CPLANE1: variants seen among roughly 807,000 people sequenced by gnomAD.
The protein encoded by CPLANE1 is ciliogenesis and planar polarity effector 1.
In CPLANE1, 263 loss-of-function variants were observed where a neutral mutation model predicts 362.5. The ratio of observed to expected loss-of-function variants is 0.73; its 90% CI spans 0.66 to 0.80. The LOEUF (loss-of-function observed/expected upper bound fraction) is 0.80. CPLANE1 is among the 30% of genes least tolerant of loss of function. CPLANE1 has a pLI of 0.00. For synonymous variants in CPLANE1, 1,212 were observed against 1,302.6 expected, an observed-to-expected ratio of 0.93 and a Z score of 1.50; for missense variants, 3,461 against 3,793.4, an observed-to-expected ratio of 0.91 and a Z score of 2.30.
chr5:37,229,555 T>TA (rs757943512), intron 9 of CPLANE1, among the ~76,000 whole-genome samples: 1 of 146,152 alleles, frequency 6.8e-6, no homozygotes, highest in African/African-American at 2.6e-5. Flanking sequence ...AATAAATAAA[T>TA]AATAAATATA....
At position 37,183,209 on chromosome 5, in the gene CPLANE1, T is replaced by G; in HGVS notation, c.4972A>C (p.Lys1658Gln). 23 of 1,611,532 alleles carry G rather than the reference T, an allele frequency of 1.4e-5. No individual in the cohort carries two copies. The highest frequency in any genetic ancestry group is 2.0e-5 in the Non-Finnish European group (23 of 1,179,190). ...SSSVLVNQGI[K>Q]PFLQYPSNEV... is the part of the protein sequence containing the mutation. ...TTCGAAGGATATTGTAAAAAAGGTT[T>G]GATCCCTTGATTAACCAGTACTGAT... is the stretch of plus-strand genomic sequence containing the variant. Residue 1658 changes from lysine (K) to glutamine (Q), a missense_variant, in exon 26 of 53, where the codon AAA becomes CAA. Coordinates refer to ENST00000651892, the MANE Select transcript of CPLANE1 (RefSeq NM_001384732.1).
the CPLANE1 span, among the ~76,000 whole-genome samples, chr5:37,091,815 G>A: frequency 6.6e-6 from 1 of 152,096 alleles, no homozygotes; most frequent in Non-Finnish European, 1.5e-5. Flanking sequence ...ACCATGGTGT[G>A]GCTAGGATCC....
intron 23 of CPLANE1, among the ~76,000 whole-genome samples, chr5:37,187,079 A>C (rs1280971669): frequency 6.7e-6 from 1 of 150,242 alleles, no homozygotes; most frequent in Non-Finnish European, 1.5e-5. Context: ...AAAAAAAAAA[A>C]AAAAAAAACT....
chr5:37,212,061 A>G (rs1792764988), intron 16 of CPLANE1: 2 of 894,624 alleles, frequency 2.2e-6, no homozygotes, highest in Admixed American at 3.4e-5. Flanking sequence ...AAGAAGGCAG[A>G]GTAACCTACA....
chr5:37,107,849 T>C, intron 52 of CPLANE1, 71 bp from the exon 53 acceptor site: 1 of 1,458,268 alleles, frequency 6.9e-7, no homozygotes, highest in Non-Finnish European at 9.1e-7. Context: ...CAAAAAAACC[T>C]GGAACGTGAA....
chr5:37,110,150 C>G (rs1399732113), intron 51 of CPLANE1, among the ~76,000 whole-genome samples: 2 of 152,134 alleles, frequency 1.3e-5, no homozygotes, highest in Non-Finnish European at 2.9e-5. Context: ...TATATTATCT[C>G]TCTGCTTAAT....
At chr5:37,148,323 TAAC>T (rs774283684) in intron 42 of CPLANE1, 55 bp from the exon 43 acceptor site, 283 of 1,284,094 alleles carry the variant, frequency 2.2e-4, no homozygotes, top group Admixed American at 3.8e-4. Flanking sequence ...AATTTCAAAA[TAAC>T]AAACAGTTTT....
At chr5:37,096,001 C>A in the CPLANE1 span, among the ~76,000 whole-genome samples, 4 of 152,090 alleles carry the variant, frequency 2.6e-5, no homozygotes, top group African/African-American at 9.7e-5. Context: ...GACCATACTG[C>A]CAAAAGCAAT....
chr5:37,169,659 G>T, intron 33 of CPLANE1, 98 bp from the exon 34 acceptor site: 1 of 963,580 alleles, frequency 1.0e-6, no homozygotes, highest in East Asian at 2.6e-5. Flanking sequence ...GTAGAATGTA[G>T]TAACTGCTAA....
chr5:37,217,885 CAGG>C lies in CPLANE1; in HGVS notation c.2746+3436_2746+3438del, dbSNP rs1373243292. Among the ~76,000 whole-genome samples, 11 of 151,960 alleles carry C rather than the reference CAGG, an allele frequency of 7.2e-5. No homozygotes were observed. In the East Asian group the frequency reaches 2.1e-3, roughly 29 times the overall value. On this transcript the variant is annotated intron_variant, in intron 15 of 52. Transcript: ENST00000651892. ...ATCCCAGCTACTCAGGAGGCTGAGG[CAGG>C]AGAATTGCTTGAACCCGGGAGGCAG...
chr5:37,248,841 C>T (rs1740731279), intron 1 of CPLANE1, among the ~76,000 whole-genome samples: 1 of 152,232 alleles, frequency 6.6e-6, no homozygotes, highest in Non-Finnish European at 1.5e-5. Flanking sequence ...TATGCACTGA[C>T]ATACCCTAAA....
rs371265598 is a variant in CPLANE1, at chr5:37,157,381, G to T, written c.8051C>A (p.Ala2684Glu). The change falls in exon 41 of 53, where the codon GCA (alanine) becomes GAA (glutamate). Residue 2684 changes from alanine to glutamate, a missense_variant. This residue lies in a region of CPLANE1 where 3,380 missense variants were observed against 3,666.1 expected (regional missense o/e 0.92). Coordinates refer to ENST00000651892, the MANE Select transcript of CPLANE1 (RefSeq NM_001384732.1). ...AGGCTCCTTCACTTCTGTAATGCCT[G>T]CTCTCAAGCTTTTTCCATCCAGACA... ...PACLDGKSLR[A>E]GITEVKEPSV... 586 of 1,419,694 alleles carry T rather than the reference G, an allele frequency of 4.1e-4. No homozygotes were observed. The highest frequency in any genetic ancestry group is 5.1e-4 in the Non-Finnish European group (541 of 1,066,366). 87.9% of individuals were successfully genotyped at this position (1,419,694 alleles called of 1,614,324 possible). A position where few individuals can be genotyped will look rare whatever the true frequency, so the allele number is the denominator to read the frequency against.
At chr5:37,193,683 G>A (rs911175179) in intron 21 of CPLANE1, among the ~76,000 whole-genome samples, 1 of 151,960 alleles carries the variant, frequency 6.6e-6, no homozygotes, top group African/African-American at 2.4e-5. Flanking sequence ...AAAATTAAGA[G>A]TTAAAATCTA....
intron 6 of CPLANE1, among the ~76,000 whole-genome samples, chr5:37,241,006 C>T (rs1004687610): frequency 5.9e-5 from 9 of 151,384 alleles, no homozygotes; most frequent in Non-Finnish European, 1.2e-4. Flanking sequence ...CGTGGGGGTG[C>T]GCACCTGTAG....
intron 8 of CPLANE1, among the ~76,000 whole-genome samples, chr5:37,231,322 G>A (rs1350509331): frequency 6.6e-6 from 1 of 152,202 alleles, no homozygotes. Flanking sequence ...GCTCAAGCCT[G>A]TAATCCCAGC....
Position 37,173,761 on chromosome 5 carries a change from T to A in CPLANE1, c.6165A>T (p.Leu2055Phe). 1 of 1,613,788 alleles carries A rather than the reference T, an allele frequency of 6.2e-7. No homozygotes were observed. Among genetic ancestry groups the A allele is most frequent in the Non-Finnish European group, 8.5e-7 (1 of 1,179,712 alleles). ...TATATAGAGATGTGCTTACCTGAAC[T>A]AATTTAAACATTTCATCTTGCAGCA... ...RQMLQDEMFK[L>F]VQLQQINFMS... Residue 2055 changes from leucine (L) to phenylalanine (F), a missense_variant, in exon 32 of 53, where the codon TTA (leucine) becomes TTT (phenylalanine). Coordinates refer to ENST00000651892, the MANE Select transcript of CPLANE1 (RefSeq NM_001384732.1).
chr5:37,183,548 G>C lies in CPLANE1; in HGVS notation c.4633C>G (p.Arg1545Gly), dbSNP rs775743007. The change falls in exon 26 of 53, where the codon CGT (arginine) becomes GGT (glycine). Residue 1545 changes from arginine to glycine, a missense_variant. Around this residue, in one of 2 missense-constraint regions of CPLANE1, gnomAD observed 3,380 missense variants for 3,666.1 expected, o/e 0.92. Coordinates refer to ENST00000651892, the MANE Select transcript of CPLANE1 (RefSeq NM_001384732.1). ...LPVIGVWEFE[R>G]DDDEYIKFLD... ...AATTTAATATATTCATCATCATCAC[G>C]TTCAAATTCCCAAACACCTATTACA... 1.2e-6 allele frequency: 2 copies of C among 1,613,054 alleles called. No homozygotes were observed. The highest frequency in any genetic ancestry group is 8.5e-7 in the Non-Finnish European group (1 of 1,179,376).
rs16903518 is a variant in CPLANE1, at chr5:37,158,261, G to A, written c.7775C>T (p.Pro2592Leu). 6,362 of 1,613,798 alleles carry A rather than the reference G, an allele frequency of 3.9e-3. 236 individuals are homozygous for A. The African/African-American group carries it at 0.076, about 19-fold the overall frequency. The change falls in exon 39 of 53, where the codon CCT becomes CTT. Residue 2592 changes from proline to leucine, a missense_variant. Around this residue, in one of 2 missense-constraint regions of CPLANE1, gnomAD observed 3,380 missense variants for 3,666.1 expected, o/e 0.92. Transcript: ENST00000651892. The part of the protein sequence containing the change: ...LKLSSEMSEK[P>L]WSPSIPHTVT... Reference sequence around the variant, plus strand: ...TGTATGAGGTATTGAGGGTGACCAAGGTTTCTCTGACATTTCACTGGAAAG... The same window carrying A: ...TGTATGAGGTATTGAGGGTGACCAAAGTTTCTCTGACATTTCACTGGAAAG...
intron 19 of CPLANE1, among the ~76,000 whole-genome samples, chr5:37,201,015 G>A (rs1005300579): frequency 9.2e-5 from 14 of 152,032 alleles, no homozygotes; most frequent in African/African-American, 3.1e-4. Flanking sequence ...ATAGAGACAG[G>A]GTTTCGCCAT....
Sources: allele counts gnomAD v4.1 joint callset (sites outside exome capture counted in the v4.1 genomes callset), GRCh38; gene constraint gnomAD v4.1.1; regional missense constraint gnomAD v4.1.1; transcripts MANE v1.5; gene names NCBI Gene and HGNC (gene_info 2026-07-23, HGNC 2026-07-21).